Variants in TRAF3IP1 observed in about 807,000 individuals in gnomAD.
TRAF3IP1 encodes the protein intraflagellar transport 54.
Under a neutral mutation model 89.9 loss-of-function variants are expected in TRAF3IP1, and 53 were observed. That is an observed-to-expected ratio of 0.59 (90% CI 0.47 to 0.74). The LOEUF is 0.74. Ranked by LOEUF, TRAF3IP1 falls within the 30% of genes least tolerant of loss-of-function variation. TRAF3IP1 has a pLI of 0.00. For synonymous variants in TRAF3IP1, 311 were observed against 322.1 expected (o/e 0.97, Z 0.37); for missense variants, 806 against 866.1 (o/e 0.93, Z 0.87).
Position 238,348,800 on chromosome 2 carries a change from A to G in TRAF3IP1, c.1319A>G (p.Glu440Gly), listed in dbSNP as rs776070080. The G allele has an allele frequency of 3.1e-6, 5 of 1,614,038 alleles. No individual in the cohort carries two copies. The Admixed American group carries it at 5.0e-5, about 16-fold the overall frequency. The change falls in exon 11 of 17, where the codon GAG (glutamate) becomes GGG (glycine). Residue 440 changes from glutamate (E) to glycine (G), a missense_variant. By Grantham distance (98) the Glu-to-Gly change is moderately conservative. Transcript: ENST00000373327. ...GGACCTGCTGGCCAAGATAAGTCTG[A>G]GGTGCCAGAGACTCCAGAAATTCCT... ...DAGPAGQDKS[E>G]VPETPEIPNE...
chr2:238,356,283 G>A (rs1213917453), intron 15 of TRAF3IP1, among the ~76,000 whole-genome samples: 1 of 152,186 alleles, frequency 6.6e-6, no homozygotes, highest in Admixed American at 6.5e-5. Context: ...GCTTACCTGA[G>A]CCCAGGAGTT....
At chr2:238,377,469 G>A (rs149091990) in intron 15 of TRAF3IP1, among the ~76,000 whole-genome samples, 111 of 151,478 alleles carry the variant, frequency 7.3e-4, no homozygotes, top group Middle Eastern at 3.4e-3. Flanking sequence ...GCTTTTTCTG[G>A]GTCGATTGAG....
At chr2:238,352,760 C>G in intron 12 of TRAF3IP1, 67 bp from the exon 13 acceptor site, 3 of 1,492,078 alleles carry the variant, frequency 2.0e-6, no homozygotes, top group South Asian at 2.6e-5. Flanking sequence ...ACCTCTGACA[C>G]AGTTTCAGAT....
chr2:238,340,343 C>T (rs1345756864), intron 8 of TRAF3IP1, among the ~76,000 whole-genome samples: 1 of 152,198 alleles, frequency 6.6e-6, no homozygotes, highest in African/African-American at 2.4e-5. Context: ...CAGTACCTTT[C>T]CTTCTTAGTG....
Position 238,325,244 on chromosome 2 carries a change from G to A in TRAF3IP1, c.124-62G>A, listed in dbSNP as rs367779346. The A allele has an allele frequency of 3.0e-5, 46 of 1,508,676 alleles. No homozygotes were observed. The African/African-American group carries it at 5.6e-4, about 18-fold the overall frequency. The allele number at this position is 1,508,676 out of a possible 1,614,324, so 93.5% of individuals were successfully genotyped here. Reference sequence around the variant, plus strand: ...CATCTCCCAAGTGTGGAGTTGAGTGGATGAGGCTGATGAGGAGGCTGTCTG... The same window carrying A: ...CATCTCCCAAGTGTGGAGTTGAGTGAATGAGGCTGATGAGGAGGCTGTCTG... On this transcript the variant is annotated intron_variant, in intron 1 of 16. Coordinates refer to ENST00000373327, the MANE Select transcript of TRAF3IP1 (RefSeq NM_015650.4).
chr2:238,356,811 C>G (rs541715099), intron 15 of TRAF3IP1, among the ~76,000 whole-genome samples: 1 of 149,706 alleles, frequency 6.7e-6, no homozygotes, highest in Non-Finnish European at 1.5e-5. Flanking sequence ...TAGAGTCTCG[C>G]TCTGTCGCCC....
intron 15 of TRAF3IP1, among the ~76,000 whole-genome samples, chr2:238,392,932 A>G (rs1013838349): frequency 1.3e-5 from 2 of 152,208 alleles, no homozygotes; most frequent in African/African-American, 4.8e-5. Flanking sequence ...ACCACAGTTT[A>G]GTTAACCAAT....
rs911170981 is a variant in TRAF3IP1, at chr2:238,328,260, G to GT, written c.355-417dup. 9.3e-5 allele frequency among the ~76,000 whole-genome samples: 14 copies of GT among 151,244 alleles called. No homozygotes were observed. The East Asian group carries it at 1.2e-3, about 13-fold the overall frequency. On this transcript the variant is annotated intron_variant, in intron 3 of 16. Coordinates refer to ENST00000373327, the MANE Select transcript of TRAF3IP1 (RefSeq NM_015650.4). ...CTTGCCAATGCTTGTGGTTTTGTGT[G>GT]TTTTTTTTTAGGAGCAGCCATCCTA...
At position 238,345,259 on chromosome 2, in the gene TRAF3IP1, G is replaced by A. The variant is rs1217280427; in HGVS notation, c.1261+661G>A. 6.6e-6 allele frequency among the ~76,000 whole-genome samples: 1 copy of A among 150,668 alleles called. No individual in the cohort carries two copies. Among genetic ancestry groups the A allele is most frequent in the Non-Finnish European group, 1.5e-5 (1 of 68,022 alleles). ...CTACTGCATGTCAGCCCTGAGGCTG[G>A]GAGCGCATGAGCCAGTGAAGTCAGG... On this transcript the variant is annotated intron_variant, in intron 9 of 16. Coordinates refer to ENST00000373327, the MANE Select transcript of TRAF3IP1 (RefSeq NM_015650.4). This position sits in a 1 kb window ranked among gnomAD's most constrained non-coding sequence, Gnocchi z 4.7.
At chr2:238,343,476 G>A (rs1211140318) in intron 8 of TRAF3IP1, among the ~76,000 whole-genome samples, 1 of 151,834 alleles carries the variant, frequency 6.6e-6, no homozygotes, top group East Asian at 1.9e-4. Context: ...CGACCTCCTG[G>A]GCTCACGTGA....
intron 15 of TRAF3IP1, among the ~76,000 whole-genome samples, chr2:238,380,068 T>G (rs1422069240): frequency 6.6e-6 from 1 of 152,218 alleles, no homozygotes; most frequent in African/African-American, 2.4e-5. Context: ...CCTTATGTCC[T>G]TTGAAATTTG....
At chr2:238,348,656 A>G in intron 10 of TRAF3IP1, 108 bp from the exon 11 acceptor site, 1 of 946,150 alleles carries the variant, frequency 1.1e-6, no homozygotes, top group Non-Finnish European at 1.6e-6. Flanking sequence ...GCAATTACAA[A>G]TGTATTTGAT....
At chr2:238,368,047 T>C (rs1229418908) in intron 15 of TRAF3IP1, among the ~76,000 whole-genome samples, 1 of 152,214 alleles carries the variant, frequency 6.6e-6, no homozygotes, top group African/African-American at 2.4e-5. Flanking sequence ...CCAAAACATA[T>C]TCACTTGTGC....
chr2:238,331,038 C>A (rs1480450538), intron 5 of TRAF3IP1, among the ~76,000 whole-genome samples: 2 of 152,086 alleles, frequency 1.3e-5, no homozygotes, highest in Non-Finnish European at 2.9e-5. Flanking sequence ...GTGCATGAGG[C>A]ATCCTAGGAA....
chr2:238,391,326 C>G (rs945013965), intron 15 of TRAF3IP1, among the ~76,000 whole-genome samples: 3 of 152,182 alleles, frequency 2.0e-5, no homozygotes, highest in South Asian at 2.1e-4. Flanking sequence ...AATAGATCCT[C>G]AAACTACTAT....
At chr2:238,383,812 G>A (rs946584991) in intron 15 of TRAF3IP1, among the ~76,000 whole-genome samples, 2 of 152,132 alleles carry the variant, frequency 1.3e-5, no homozygotes, top group African/African-American at 4.8e-5. Flanking sequence ...GTTTGTGCTA[G>A]TTGCATTTCT....
chr2:238,347,330 T>A lies in TRAF3IP1; in HGVS notation c.1262-125T>A, dbSNP rs977214826. ...TAGAAAAGCGGCTATGAGGAAATGA[T>A]CTTTTTTTCTTAGCAGACATCCAAA... On this transcript the variant is annotated intron_variant, in intron 9 of 16. Coordinates refer to ENST00000373327, the MANE Select transcript of TRAF3IP1 (RefSeq NM_015650.4). 1.3e-5 allele frequency: 13 copies of A among 965,722 alleles called. No homozygotes were observed. In the South Asian group the frequency reaches 1.7e-4, roughly 13 times the overall value. 59.8% of individuals were successfully genotyped at this position (965,722 alleles called of 1,614,324 possible).
chr2:238,342,163 G>A (rs557830491), intron 8 of TRAF3IP1, among the ~76,000 whole-genome samples: 5 of 151,814 alleles, frequency 3.3e-5, no homozygotes, highest in African/African-American at 1.2e-4. Context: ...TAATTTTTGT[G>A]TTTTCAGTAG....
intron 1 of TRAF3IP1, among the ~76,000 whole-genome samples, chr2:238,324,419 C>G (rs1697710634): frequency 6.6e-6 from 1 of 151,998 alleles, no homozygotes. Context: ...CTGAAGGACT[C>G]TTGTAAAATG....
Sources: allele counts gnomAD v4.1 joint callset (sites outside exome capture counted in the v4.1 genomes callset), GRCh38; gene constraint gnomAD v4.1.1; non-coding constraint Gnocchi (gnomAD v3.1); transcripts MANE v1.5; gene names NCBI Gene and HGNC (gene_info 2026-07-23, HGNC 2026-07-21).